The following PRRC2B variants were observed in gnomAD, a reference collection of about 807,000 sequenced individuals.
The protein encoded by PRRC2B is protein PRRC2B.
A neutral mutation model predicts 242.3 loss-of-function variants in PRRC2B; 68 were observed. The observed-to-expected ratio is 0.28, with a 90% CI of 0.23 to 0.34. PRRC2B has a LOEUF of 0.34. PRRC2B is among the 10% of genes least tolerant of loss of function. The pLI, the probability that PRRC2B is intolerant of heterozygous loss-of-function variation, is 1.00. For missense variants in PRRC2B, 2,835 were observed against 2,954.8 expected, an observed-to-expected ratio of 0.96 and a Z score of 0.94; for synonymous variants, 1,228 against 1,173.6, an observed-to-expected ratio of 1.05 and a Z score of -0.95.
rs868609396 is a variant in PRRC2B at position 131,498,443 on chromosome 9, G to A, written c.*2569G>A. On this transcript the variant is annotated 3_prime_UTR_variant, in exon 32 of 32. Coordinates refer to ENST00000683519, the MANE Select transcript of PRRC2B (RefSeq NM_013318.4). ...GCAGGTTTTAAATGAGACTTGGGGG[G>A]CTGAGGGCAGGCCTCAGGCCTCCCA... is the stretch of plus-strand genomic sequence containing the variant. 6.6e-6 allele frequency: 1 copy of A among 152,242 alleles called. No individual in the cohort carries two copies. The highest frequency in any genetic ancestry group is 1.5e-5 in the Non-Finnish European group (1 of 68,052). 9.4% of individuals were successfully genotyped at this position (152,242 alleles called of 1,614,324 possible). A position where few individuals can be genotyped will look rare whatever the true frequency, so the allele number is the denominator to read the frequency against.
intron 3 of PRRC2B, among the ~76,000 whole-genome samples, chr9:131,435,758 C>T (rs910553179): frequency 9.9e-5 from 15 of 152,090 alleles, no homozygotes; most frequent in South Asian, 4.1e-4. Context: ...AAGGAAGATC[C>T]GTTTCTATGT....
intron 1 of PRRC2B, among the ~76,000 whole-genome samples, chr9:131,406,474 A>C (rs1345461413): frequency 1.3e-5 from 2 of 152,186 alleles, no homozygotes; most frequent in Non-Finnish European, 2.9e-5. Context: ...TCTGGCTGCA[A>C]GGGAGACTGC....
intron 1 of PRRC2B, among the ~76,000 whole-genome samples, chr9:131,420,496 T>TCTTTCTTTCTTTCTTTTCTTTCTTTC (rs59621148): frequency 2.6e-5 from 2 of 75,896 alleles, no homozygotes; most frequent in African/African-American, 5.3e-5. Flanking sequence ...TTTCTTTCTT[T>TCTTTCTTTCTTTCTTTTCTTTCTTTC]TTTTTTTTTT....
In PRRC2B at chr9:131,487,484, G is replaced by T. The variant is rs534755361; in HGVS notation, c.5984+190G>T. On this transcript the variant is annotated intron_variant, in intron 27 of 31. Transcript: ENST00000683519. This position sits in a 1 kb window ranked among gnomAD's most constrained non-coding sequence, Gnocchi z 5.3. ...GTGCTCTAGGAGAGGCCTGGGGCGA[G>T]CTGATATGTGGTGGGCCGTGTTTTG... is the stretch of plus-strand genomic sequence containing the variant. 2.0e-5 allele frequency among the ~76,000 whole-genome samples: 3 copies of T among 152,284 alleles called. No individual in the cohort carries two copies. The highest frequency in any genetic ancestry group is 6.5e-5 in the Admixed American group (1 of 15,300).
At chr9:131,430,487 G>A (rs1173785691) in intron 2 of PRRC2B, among the ~76,000 whole-genome samples, 2 of 134,858 alleles carry the variant, frequency 1.5e-5, no homozygotes, top group Non-Finnish European at 3.1e-5. Context: ...TATTGAAGCT[G>A]GGGAGATATA....
In PRRC2B at chr9:131,467,670, G is replaced by C; in HGVS notation, c.1828G>C (p.Glu610Gln). 6.2e-7 allele frequency: 1 copy of C among 1,613,996 alleles called. No homozygotes were observed. Among genetic ancestry groups the C allele is most frequent in the African/African-American group, 1.3e-5 (1 of 75,032 alleles). The stretch of plus-strand genomic sequence containing the variant: ...CAACAGCAGTGAGGAAGAGGCCAGA[G>C]AGGCTGGGTCCCCTGCACAGGAGTT... Reference protein sequence around the residue: ...QSNSSEEEAREAGSPAQEFKY... With the variant: ...QSNSSEEEARQAGSPAQEFKY... The change falls in exon 13 of 32, where the codon GAG (glutamate) becomes CAG (glutamine). Residue 610 changes from glutamate to glutamine, a missense_variant. By Grantham distance (29) the Glu-to-Gln change is conservative. Transcript: ENST00000683519.
At chr9:131,431,130 T>G (rs1055845939) in intron 2 of PRRC2B, among the ~76,000 whole-genome samples, 2 of 151,906 alleles carry the variant, frequency 1.3e-5, no homozygotes, top group Admixed American at 1.3e-4. Context: ...TTGCTTTTTG[T>G]TTTTTGTTTT....
At chr9:131,478,017 C>G in intron 17 of PRRC2B, 68 bp downstream of exon 17, 2 of 1,454,306 alleles carry the variant, frequency 1.4e-6, no homozygotes, top group Non-Finnish European at 1.9e-6. Flanking sequence ...GTCCTCGGGC[C>G]TCCCGAGTTT....
intron 1 of PRRC2B, among the ~76,000 whole-genome samples, chr9:131,424,772 T>C (rs1412542537): frequency 6.6e-6 from 1 of 152,250 alleles, no homozygotes. Context: ...CCAATGTGTT[T>C]CTTGTACTGG....
chr9:131,394,643 C>G (rs1303438627), intron 1 of PRRC2B, among the ~76,000 whole-genome samples: 1 of 151,302 alleles, frequency 6.6e-6, no homozygotes, highest in East Asian at 1.9e-4. Flanking sequence ...GGGCCCGCAG[C>G]CGGGTCTCGG....
chr9:131,438,921 G>C, intron 4 of PRRC2B, 68 bp from the exon 5 acceptor site: 1 of 1,258,366 alleles, frequency 7.9e-7, no homozygotes, highest in Non-Finnish European at 1.1e-6. Context: ...GCACCTTGTT[G>C]TAATAGGCTG....
rs935627393 is a variant in PRRC2B, at chr9:131,439,009, T to C, written c.417T>C (p.Gly139=). 1.2e-6 allele frequency: 2 copies of C among 1,613,362 alleles called. No homozygotes were observed. Among genetic ancestry groups the C allele is most frequent in the African/African-American group, 2.7e-5 (2 of 74,906 alleles). Residue 139 remains glycine, a synonymous_variant, in exon 5 of 32, where the codon GGT becomes GGC. Coordinates refer to ENST00000683519, the MANE Select transcript of PRRC2B (RefSeq NM_013318.4). Reference sequence around the variant, plus strand: ...TTCAGAATACAAATTCAGTGCCAGGTGGACCAAAGTCATGGGCACAGCTGA... The same window carrying C: ...TTCAGAATACAAATTCAGTGCCAGGCGGACCAAAGTCATGGGCACAGCTGA... ...ISQENTNSVP[G]GPKSWAQLNG... is the part of the protein sequence containing the mutation.
At chr9:131,451,105 A>G (rs1346208624) in intron 9 of PRRC2B, among the ~76,000 whole-genome samples, 1 of 152,198 alleles carries the variant, frequency 6.6e-6, no homozygotes, top group African/African-American at 2.4e-5. Context: ...CATTATATAG[A>G]AAATACAGCT....
chr9:131,458,117 C>T (rs776803629), intron 10 of PRRC2B, among the ~76,000 whole-genome samples: 29 of 152,134 alleles, frequency 1.9e-4, no homozygotes, highest in Non-Finnish European at 3.8e-4. Flanking sequence ...AACACCTCCT[C>T]CTTTTCCATG....
At chr9:131,430,550 G>GGGGT (rs1554759920) in intron 2 of PRRC2B, among the ~76,000 whole-genome samples, 18 of 82,746 alleles carry the variant, frequency 2.2e-4, no homozygotes, top group South Asian at 5.0e-4. Flanking sequence ...GATATCTATA[G>GGGGT]GTGTGTGTGT....
At chr9:131,419,808 G>A (rs1386645318) in intron 1 of PRRC2B, among the ~76,000 whole-genome samples, 1 of 152,032 alleles carries the variant, frequency 6.6e-6, no homozygotes, top group Non-Finnish European at 1.5e-5. Flanking sequence ...GGGGTGGTGT[G>A]GGGAGAAGGC....
At chr9:131,456,875 A>G (rs1329829813) in intron 10 of PRRC2B, among the ~76,000 whole-genome samples, 1 of 152,180 alleles carries the variant, frequency 6.6e-6, no homozygotes, top group Non-Finnish European at 1.5e-5. Context: ...AGCAAGTAAG[A>G]CTTTTTCCTT....
intron 25 of PRRC2B, 136 bp from the exon 26 acceptor site, chr9:131,485,949 G>A (rs1368157315): frequency 1.1e-5 from 8 of 710,436 alleles, no homozygotes; most frequent in Non-Finnish European, 1.8e-5. Context: ...AGGGAACCTA[G>A]CAGCCTCTGT....
At chr9:131,431,777 A>G (rs1432901299) in intron 2 of PRRC2B, among the ~76,000 whole-genome samples, 3 of 146,704 alleles carry the variant, frequency 2.0e-5, no homozygotes, top group African/African-American at 5.1e-5. Context: ...TAGTAGAGAC[A>G]GGGTTTCACC....
Sources: allele counts gnomAD v4.1 joint callset (sites outside exome capture counted in the v4.1 genomes callset), GRCh38; gene constraint gnomAD v4.1.1; non-coding constraint Gnocchi (gnomAD v3.1); transcripts MANE v1.5; gene names NCBI Gene and HGNC (gene_info 2026-07-23, HGNC 2026-07-21).